Variants in OSBPL8 observed in about 807,000 individuals in gnomAD.
The protein encoded by OSBPL8 is oxysterol binding protein like 8, also known as oxysterol-binding protein-related protein 8.
A neutral mutation model predicts 125.5 loss-of-function variants in OSBPL8; 59 were observed. That is an observed-to-expected ratio of 0.47 (90% CI 0.38 to 0.58). The LOEUF is 0.58. Among genes scored for constraint, OSBPL8 ranks in the 20% least tolerant of loss-of-function variants. The probability of loss-of-function intolerance (pLI) is 0.00; values close to 1 mark genes in which losing one functional copy is unlikely to be tolerated. For synonymous variants in OSBPL8, 330 were observed against 338.9 expected, an observed-to-expected ratio of 0.97 and a Z score of 0.29; for missense variants, 758 against 1,047.8, an observed-to-expected ratio of 0.72 and a Z score of 3.82.
intron 1 of OSBPL8, among the ~76,000 whole-genome samples, chr12:76,525,047 A>G (rs1360295048): frequency 1.3e-5 from 2 of 152,166 alleles, no homozygotes; most frequent in African/African-American, 2.4e-5. Context: ...GGTAAACTAC[A>G]AAACAACTAG....
At chr12:76,399,482 A>G (rs1953960083) in intron 7 of OSBPL8, among the ~76,000 whole-genome samples, 1 of 152,222 alleles carries the variant, frequency 6.6e-6, no homozygotes, top group African/African-American at 2.4e-5. Flanking sequence ...TATCCAACTG[A>G]TTATTTTAAA....
intron 1 of OSBPL8, among the ~76,000 whole-genome samples, chr12:76,508,923 A>G (rs1482535253): frequency 6.6e-6 from 1 of 152,228 alleles, no homozygotes; most frequent in Non-Finnish European, 1.5e-5. Flanking sequence ...TAAGTAGATG[A>G]GCAGCCCATG....
At chr12:76,358,658 A>G (rs764516719) in intron 22 of OSBPL8, 48 bp downstream of exon 22, 1 of 1,407,318 alleles carries the variant, frequency 7.1e-7, no homozygotes, top group Non-Finnish European at 1.0e-6. Flanking sequence ...CAAATTGTGT[A>G]GTAATTAAAA....
chr12:76,366,472 A>T, intron 21 of OSBPL8: 2 of 338,064 alleles, frequency 5.9e-6, no homozygotes, highest in Non-Finnish European at 1.2e-5. Flanking sequence ...GATTTTGTTG[A>T]TTTTTATCAA....
intron 1 of OSBPL8, among the ~76,000 whole-genome samples, chr12:76,520,975 T>C (rs1374064752): frequency 1.3e-5 from 2 of 152,194 alleles, no homozygotes; most frequent in Non-Finnish European, 2.9e-5. Flanking sequence ...TTTGACATTC[T>C]TCTGCTCTAC....
intron 19 of OSBPL8, among the ~76,000 whole-genome samples, chr12:76,370,417 C>A (rs1952575940): frequency 6.6e-6 from 1 of 152,112 alleles, no homozygotes; most frequent in South Asian, 2.1e-4. Flanking sequence ...CTAGTTCTTT[C>A]TTCTGTTAAA....
At chr12:76,541,797 A>C (rs1042670127) in intron 1 of OSBPL8, among the ~76,000 whole-genome samples, 8 of 148,964 alleles carry the variant, frequency 5.4e-5, no homozygotes, top group African/African-American at 2.0e-4. Context: ...TGGAGGCTGC[A>C]GTGAGCTGAG....
chr12:76,458,029 A>G lies in OSBPL8; in HGVS notation c.79+1830T>C, dbSNP rs139882503. On this transcript the variant is annotated intron_variant, in intron 3 of 23. Coordinates refer to ENST00000261183, the MANE Select transcript of OSBPL8 (RefSeq NM_020841.5). ...CACCTGCAATGTCAGCATTTTGGGA[A>G]GCCAAGGCAGGAGGATCGGATCGCT... 6.6e-3 allele frequency among the ~76,000 whole-genome samples: 998 copies of G among 152,260 alleles called. 6 individuals carry two copies. The highest frequency in any genetic ancestry group is 0.037 in the Middle Eastern group (11 of 294).
chr12:76,413,831 T>C (rs1868332863), intron 4 of OSBPL8, among the ~76,000 whole-genome samples: 1 of 152,168 alleles, frequency 6.6e-6, no homozygotes, highest in African/African-American at 2.4e-5. Context: ...TGATATAGTC[T>C]AGATACTAGT....
At chr12:76,415,250 CTT>C (rs35128998) in intron 4 of OSBPL8, among the ~76,000 whole-genome samples, 6 of 143,034 alleles carry the variant, frequency 4.2e-5, no homozygotes, top group Admixed American at 1.4e-4. Context: ...TTTTTCTTTC[CTT>C]TTTTTTTTTT....
At position 76,559,463 on chromosome 12, in the gene OSBPL8, G is replaced by C. The variant is rs959038124; in HGVS notation, c.-134C>G. 6.6e-6 allele frequency: 1 copy of C among 152,194 alleles called. No individual in the cohort carries two copies. The highest frequency in any genetic ancestry group is 1.5e-5 in the Non-Finnish European group (1 of 68,110). 9.4% of individuals were successfully genotyped at this position (152,194 alleles called of 1,614,324 possible). Reference sequence around the variant, plus strand: ...TCCTCCGAGGTCGCCGCGGCGCCGGGGTCCGAGGCCCCGTAAGCGTCTAGT... The same window carrying C: ...TCCTCCGAGGTCGCCGCGGCGCCGGCGTCCGAGGCCCCGTAAGCGTCTAGT... On this transcript the variant is annotated 5_prime_UTR_variant, in exon 1 of 24. Coordinates refer to ENST00000261183, the MANE Select transcript of OSBPL8 (RefSeq NM_020841.5).
Position 76,435,298 on chromosome 12 carries a change from A to G in OSBPL8, c.217+15553T>C, listed in dbSNP as rs151093464. Among the ~76,000 whole-genome samples the G allele has an allele frequency of 2.0e-5, 3 of 152,288 alleles. No homozygotes were observed. The East Asian group carries it at 5.8e-4, about 29-fold the overall frequency. ...TTATGCTAAGTGAAATAAGCCAGAC[A>G]TGGAAAGACAAATACTGCATGATCT... On this transcript the variant is annotated intron_variant, in intron 4 of 23. Coordinates refer to ENST00000261183, the MANE Select transcript of OSBPL8 (RefSeq NM_020841.5).
At chr12:76,360,965 G>T (rs192328526) in intron 21 of OSBPL8, among the ~76,000 whole-genome samples, 40 of 152,330 alleles carry the variant, frequency 2.6e-4, no homozygotes, top group Admixed American at 6.5e-4. Flanking sequence ...GAAGACCTGT[G>T]ACATGCCCTG....
chr12:76,532,659 C>T (rs1474238463), intron 1 of OSBPL8, among the ~76,000 whole-genome samples: 1 of 152,026 alleles, frequency 6.6e-6, no homozygotes, highest in Non-Finnish European at 1.5e-5. Context: ...AAAGGAACAT[C>T]CCTCCTCCAA....
intron 1 of OSBPL8, among the ~76,000 whole-genome samples, chr12:76,548,050 T>A (rs1950829012): frequency 6.6e-6 from 1 of 152,134 alleles, no homozygotes; most frequent in South Asian, 2.1e-4. Context: ...AAAAAAATAG[T>A]TCAATAGGCT....
intron 4 of OSBPL8, among the ~76,000 whole-genome samples, chr12:76,423,438 C>T (rs1869757852): frequency 6.6e-6 from 1 of 152,172 alleles, no homozygotes; most frequent in Non-Finnish European, 1.5e-5. Context: ...CTCTTAATTA[C>T]ATTTAAACTG....
intron 1 of OSBPL8, among the ~76,000 whole-genome samples, chr12:76,520,614 A>T (rs1249114515): frequency 6.6e-6 from 1 of 152,172 alleles, no homozygotes; most frequent in Non-Finnish European, 1.5e-5. Context: ...AACATATTCC[A>T]AGCAGAGAAT....
intron 4 of OSBPL8, among the ~76,000 whole-genome samples, chr12:76,444,781 AG>A (rs1872568566): frequency 6.6e-6 from 1 of 152,156 alleles, no homozygotes; most frequent in Non-Finnish European, 1.5e-5. Context: ...GAAAGAGTGG[AG>A]TGAAATCTAT....
intron 1 of OSBPL8, among the ~76,000 whole-genome samples, chr12:76,494,973 T>G (rs2137073642): frequency 6.6e-6 from 1 of 152,272 alleles, no homozygotes; most frequent in African/African-American, 2.4e-5. Context: ...TCAGAACTTC[T>G]TAGGCTTATG....
Sources: allele counts gnomAD v4.1 joint callset (sites outside exome capture counted in the v4.1 genomes callset), GRCh38; gene constraint gnomAD v4.1.1; transcripts MANE v1.5; gene names NCBI Gene and HGNC (gene_info 2026-07-23, HGNC 2026-07-21).